Variants in ATP8A2 observed in about 807,000 individuals in gnomAD.
ATP8A2 encodes the protein ATPase phospholipid transporting 8A2.
In ATP8A2, 100 loss-of-function variants were observed where a neutral mutation model predicts 165.6. That is an observed-to-expected ratio of 0.60 (90% CI 0.51 to 0.71). ATP8A2 has a LOEUF of 0.71. ATP8A2 is among the 30% of genes least tolerant of loss of function. The probability of loss-of-function intolerance (pLI) is 0.00; values close to 1 mark genes in which losing one functional copy is unlikely to be tolerated. For missense variants in ATP8A2, 1,227 were observed against 1,479.5 expected (o/e 0.83, Z 2.80); for synonymous variants, 543 against 548.8 (o/e 0.99, Z 0.15).
chr13:25,579,110 C>T lies in ATP8A2; in HGVS notation c.1867+211C>T, dbSNP rs142710489. 2.6e-3 allele frequency among the ~76,000 whole-genome samples: 393 copies of T among 152,292 alleles called. 5 individuals carry two copies. The highest frequency in any genetic ancestry group is 9.2e-3 in the African/African-American group (381 of 41,558). On this transcript the variant is annotated intron_variant, in intron 21 of 36. Coordinates refer to ENST00000381655, the MANE Select transcript of ATP8A2 (RefSeq NM_016529.6). ...TGGTGCAGAGGGAGAGACAGGCCAA[C>T]GCACAACGTGTAGAATCACCTTTAG...
chr13:25,552,492 T>G (rs929461728), intron 11 of ATP8A2, among the ~76,000 whole-genome samples: 1 of 152,236 alleles, frequency 6.6e-6, no homozygotes, highest in African/African-American at 2.4e-5. Context: ...TTTTTAAAAT[T>G]GGGAATATAT....
Position 25,612,594 on chromosome 13 carries a change from T to C in ATP8A2, c.2211+22895T>C, listed in dbSNP as rs61947471. ...GGAGAATGTTCCAAGTGCTGATGAATAGAATTTATATCCTGCAGTTGTTGG... is the reference window on the plus strand; with the variant it reads ...GGAGAATGTTCCAAGTGCTGATGAACAGAATTTATATCCTGCAGTTGTTGG... On this transcript the variant is annotated intron_variant, in intron 24 of 36. Transcript: ENST00000381655. 3.3e-5 allele frequency among the ~76,000 whole-genome samples: 5 copies of C among 152,202 alleles called. No individual in the cohort carries two copies. In the South Asian group the frequency reaches 1.0e-3, roughly 32 times the overall value.
intron 24 of ATP8A2, among the ~76,000 whole-genome samples, chr13:25,594,033 A>G (rs1321256853): frequency 6.6e-6 from 1 of 152,238 alleles, no homozygotes; most frequent in African/African-American, 2.4e-5. Flanking sequence ...CAAGATTATT[A>G]TAATTAACCA....
chr13:25,784,336 C>T (rs2044967119), intron 27 of ATP8A2, among the ~76,000 whole-genome samples: 1 of 152,168 alleles, frequency 6.6e-6, no homozygotes, highest in Non-Finnish European at 1.5e-5. Flanking sequence ...GCTTCGTAGC[C>T]CGGGTGCACT....
intron 33 of ATP8A2, among the ~76,000 whole-genome samples, chr13:25,926,482 G>A (rs1388930433): frequency 6.6e-6 from 1 of 152,068 alleles, no homozygotes; most frequent in East Asian, 1.9e-4. Flanking sequence ...ATACATGGAC[G>A]GGGACTCTGG....
At chr13:25,883,193 AG>A (rs1566234310) in intron 33 of ATP8A2, among the ~76,000 whole-genome samples, 1 of 151,954 alleles carries the variant, frequency 6.6e-6, no homozygotes, top group Non-Finnish European at 1.5e-5. Flanking sequence ...CTCACTCTCT[AG>A]CTCTCCCTCT....
At chr13:25,404,079 T>A (rs780756364) in intron 1 of ATP8A2, among the ~76,000 whole-genome samples, 3 of 152,166 alleles carry the variant, frequency 2.0e-5, no homozygotes, top group Non-Finnish European at 2.9e-5. Flanking sequence ...CTCATGGAAC[T>A]TATGGCTCAG....
intron 33 of ATP8A2, among the ~76,000 whole-genome samples, chr13:25,912,302 G>A (rs560412296): frequency 6.6e-6 from 1 of 152,238 alleles, no homozygotes; most frequent in South Asian, 2.1e-4. Context: ...CAGAAAGACA[G>A]GTGCTGCATG....
At chr13:25,764,846 T>A (rs2044457773) in intron 25 of ATP8A2, among the ~76,000 whole-genome samples, 1 of 152,202 alleles carries the variant, frequency 6.6e-6, no homozygotes, top group Non-Finnish European at 1.5e-5. Context: ...CTGGCTCAAG[T>A]GAGCTCAGTG....
chr13:25,650,192 G>A (rs1244838185), intron 24 of ATP8A2, among the ~76,000 whole-genome samples: 1 of 152,122 alleles, frequency 6.6e-6, no homozygotes, highest in South Asian at 2.1e-4. Context: ...CTTTCCATGC[G>A]GCTTTTATTC....
chr13:25,891,205 A>G lies in ATP8A2; in HGVS notation c.3183+28797A>G, dbSNP rs145686178. ...TGGAGTTATCTGTGGGTTTTCTTCA[A>G]TGTGTATTTGATGTTTCTTTAGGGC... is the stretch of plus-strand genomic sequence containing the variant. On this transcript the variant is annotated intron_variant, in intron 33 of 36. Coordinates refer to ENST00000381655, the MANE Select transcript of ATP8A2 (RefSeq NM_016529.6). 5.2e-3 allele frequency among the ~76,000 whole-genome samples: 785 copies of G among 152,286 alleles called. 14 individuals are homozygous for G. Among genetic ancestry groups the G allele is most frequent in the African/African-American group, 0.018 (766 of 41,546 alleles).
intron 25 of ATP8A2, among the ~76,000 whole-genome samples, chr13:25,758,359 T>C (rs1161478997): frequency 2.0e-5 from 3 of 152,184 alleles, no homozygotes; most frequent in Non-Finnish European, 2.9e-5. Context: ...TGTATGATGC[T>C]AAAGGTCTAA....
intron 1 of ATP8A2, among the ~76,000 whole-genome samples, chr13:25,413,283 T>G (rs1300825948): frequency 4.9e-5 from 7 of 143,890 alleles, no homozygotes; most frequent in Non-Finnish European, 9.1e-5. Flanking sequence ...TCTTTGTTTT[T>G]TTTTTTTTTT....
rs1593222366 is a variant in ATP8A2, at chr13:25,374,529, A to G, written c.76+2241A>G. On this transcript the variant is annotated intron_variant, in intron 1 of 36. Coordinates refer to ENST00000381655, the MANE Select transcript of ATP8A2 (RefSeq NM_016529.6). ...CTACAGTCTGACGGCATGAACATCA[A>G]CGCAGGAAGCTTTTAGGGAGCAGGG... 3.9e-5 allele frequency among the ~76,000 whole-genome samples: 6 copies of G among 152,318 alleles called. 1 individual carries two copies. Among genetic ancestry groups the G allele is most frequent in the Admixed American group, 3.9e-4 (6 of 15,302 alleles).
intron 24 of ATP8A2, among the ~76,000 whole-genome samples, chr13:25,619,954 G>A (rs572961252): frequency 6.6e-6 from 1 of 152,212 alleles, no homozygotes; most frequent in Non-Finnish European, 1.5e-5. Context: ...ATACAAAGAA[G>A]AGAGGAGTCA....
intron 33 of ATP8A2, among the ~76,000 whole-genome samples, chr13:25,919,338 A>G (rs306416): frequency 0.54 from 82,526 of 152,016 alleles, 23,228 homozygotes; most frequent in East Asian, 0.72. Flanking sequence ...CAACATTTAG[A>G]ATTGGTGTGA....
Position 25,671,683 on chromosome 13 carries a change from G to C in ATP8A2, c.2212-27490G>C, listed in dbSNP as rs2042266267. 2.0e-5 allele frequency among the ~76,000 whole-genome samples: 3 copies of C among 151,672 alleles called. No homozygotes were observed. In the South Asian group the frequency reaches 6.2e-4, roughly 31 times the overall value. ...CTAATAAATTTTGGTCAGACCGGTT[G>C]ATCTCAAAACCCTGTCTCCTGATAA... On this transcript the variant is annotated intron_variant, in intron 24 of 36. Coordinates refer to ENST00000381655, the MANE Select transcript of ATP8A2 (RefSeq NM_016529.6).
intron 33 of ATP8A2, among the ~76,000 whole-genome samples, chr13:25,888,515 C>A (rs543969353): frequency 1.0e-3 from 154 of 152,278 alleles, no homozygotes; most frequent in African/African-American, 3.4e-3. Context: ...TTGGAATATA[C>A]AATGTGCTCA....
At chr13:25,590,713 C>G (rs183608727) in intron 24 of ATP8A2, among the ~76,000 whole-genome samples, 2 of 152,232 alleles carry the variant, frequency 1.3e-5, no homozygotes, top group African/African-American at 4.8e-5. Context: ...TTAGCCAATG[C>G]CAGGGGCAGA....
Sources: gnomAD v4.1 joint callset for allele counts (sites outside exome capture counted in the v4.1 genomes callset) on GRCh38, gnomAD v4.1.1 for gene constraint, MANE v1.5 for transcripts, NCBI Gene and HGNC (gene_info 2026-07-23, HGNC 2026-07-21) for gene names.